GALNTL6: variants seen among roughly 807,000 people sequenced by gnomAD.
The protein encoded by GALNTL6 is polypeptide N-acetylgalactosaminyltransferase like 6, also known as polypeptide N-acetylgalactosaminyltransferase-like 6.
A neutral mutation model predicts 73.7 loss-of-function variants in GALNTL6; 46 were observed. That is an observed-to-expected ratio of 0.62 (90% CI 0.49 to 0.80). GALNTL6 has a LOEUF of 0.80. GALNTL6 is among the 30% of genes least tolerant of loss of function. GALNTL6 has a pLI of 0.00. For missense variants in GALNTL6, 604 were observed against 755.0 expected, an observed-to-expected ratio of 0.80 and a Z score of 2.34; for synonymous variants, 259 against 263.7, an observed-to-expected ratio of 0.98 and a Z score of 0.17.
intron 5 of GALNTL6, among the ~76,000 whole-genome samples, chr4:172,773,139 G>A (rs570460862): frequency 2.8e-4 from 42 of 152,302 alleles, no homozygotes; most frequent in African/African-American, 9.9e-4. Flanking sequence ...TGATGAAAGA[G>A]CAGAAAATGC....
chr4:172,931,242 G>T lies in GALNTL6; in HGVS notation c.1123G>T (p.Val375Phe). Residue 375 changes from valine (V) to phenylalanine (F), a missense_variant, in exon 9 of 13, where the codon GTT becomes TTT. Physicochemically the swap from Val to Phe is conservative, Grantham distance 50. This residue lies in a region of GALNTL6 where 261 missense variants were observed against 296.5 expected (regional missense o/e 0.88). Coordinates refer to ENST00000506823, the MANE Select transcript of GALNTL6 (RefSeq NM_001034845.3). ...CTACAGGAAGTACGTTCCATACAAA[G>T]TTCCATCTGGGACAAGCCTGGCAAG... Reference protein sequence around the residue: ...HIYRKYVPYKVPSGTSLARNL... With the variant: ...HIYRKYVPYKFPSGTSLARNL... The T allele has an allele frequency of 1.9e-6, 3 of 1,607,680 alleles. No individual in the cohort carries two copies. Among genetic ancestry groups the T allele is most frequent in the Non-Finnish European group, 2.6e-6 (3 of 1,174,088 alleles).
chr4:172,512,819 T>G (rs1318923978), intron 5 of GALNTL6, among the ~76,000 whole-genome samples: 1 of 152,230 alleles, frequency 6.6e-6, no homozygotes, highest in Non-Finnish European at 1.5e-5. Context: ...CTGCCGTTAA[T>G]CTGATAGGTT....
chr4:171,822,408 C>T (rs1734709409), intron 2 of GALNTL6, among the ~76,000 whole-genome samples: 2 of 152,140 alleles, frequency 1.3e-5, no homozygotes. Context: ...TGTGGGCATG[C>T]TACTTAACAT....
intron 3 of GALNTL6, among the ~76,000 whole-genome samples, chr4:172,265,395 C>A (rs138649372): frequency 6.6e-6 from 1 of 152,006 alleles, no homozygotes; most frequent in African/African-American, 2.4e-5. Context: ...TTCAAATTTG[C>A]CTGAGAGCCT....
At chr4:172,603,658 C>T (rs1043777582) in intron 5 of GALNTL6, among the ~76,000 whole-genome samples, 2 of 152,094 alleles carry the variant, frequency 1.3e-5, no homozygotes, top group Non-Finnish European at 2.9e-5. Flanking sequence ...ATTTTGTCTT[C>T]CTGTGCACTA....
intron 7 of GALNTL6, among the ~76,000 whole-genome samples, chr4:172,866,129 C>T (rs1202160448): frequency 1.3e-5 from 2 of 152,170 alleles, no homozygotes; most frequent in African/African-American, 4.8e-5. Flanking sequence ...TTAGCCTTCC[C>T]ACCTAGGATA....
At chr4:173,032,581 A>G (rs886223652) in intron 12 of GALNTL6, among the ~76,000 whole-genome samples, 1 of 152,160 alleles carries the variant, frequency 6.6e-6, no homozygotes, top group African/African-American at 2.4e-5. Context: ...CCAGCTACTC[A>G]GGCTGAGAGG....
intron 2 of GALNTL6, among the ~76,000 whole-genome samples, chr4:172,088,102 C>T (rs1019573744): frequency 2.0e-5 from 3 of 151,996 alleles, no homozygotes; most frequent in African/African-American, 7.2e-5. Flanking sequence ...ATCATTCTTC[C>T]AAAAAGTTTA....
intron 5 of GALNTL6, among the ~76,000 whole-genome samples, chr4:172,734,086 A>C (rs1417388233): frequency 2.6e-5 from 4 of 152,184 alleles, no homozygotes; most frequent in Non-Finnish European, 5.9e-5. Flanking sequence ...AACTGGAGTA[A>C]AGGTCACTCT....
chr4:172,528,985 A>ATATATATATATG (rs1735074989), intron 5 of GALNTL6, among the ~76,000 whole-genome samples: 1 of 31,452 alleles, frequency 3.2e-5, no homozygotes, highest in Non-Finnish European at 5.6e-5. Flanking sequence ...ATTTATACAT[A>ATATATATATATG]TGTGTGTATA....
At chr4:171,908,259 T>A (rs1737356496) in intron 2 of GALNTL6, among the ~76,000 whole-genome samples, 1 of 152,002 alleles carries the variant, frequency 6.6e-6, no homozygotes, top group Admixed American at 6.6e-5. Context: ...GACAAAGGGC[T>A]AATATCCAGA....
At chr4:172,766,600 C>G (rs1738420070) in intron 5 of GALNTL6, among the ~76,000 whole-genome samples, 1 of 152,170 alleles carries the variant, frequency 6.6e-6, no homozygotes, top group Non-Finnish European at 1.5e-5. Flanking sequence ...GGAGAACCAT[C>G]ATTAAATAAT....
At chr4:172,729,632 T>C (rs1436209093) in intron 5 of GALNTL6, among the ~76,000 whole-genome samples, 1 of 152,208 alleles carries the variant, frequency 6.6e-6, no homozygotes, top group African/African-American at 2.4e-5. Flanking sequence ...TTTTTATTAC[T>C]ATAGCTTTAG....
intron 5 of GALNTL6, chr4:172,545,869 T>C (rs867793854): frequency 6.6e-6 from 1 of 152,180 alleles, no homozygotes; most frequent in African/African-American, 2.4e-5. Flanking sequence ...GGGCCAACCT[T>C]TTTGGTAACA....
chr4:172,654,328 C>G (rs1730866645), intron 5 of GALNTL6, among the ~76,000 whole-genome samples: 2 of 152,142 alleles, frequency 1.3e-5, no homozygotes, highest in African/African-American at 2.4e-5. Flanking sequence ...TCAACCGAAC[C>G]ATTATTTTCT....
intron 2 of GALNTL6, among the ~76,000 whole-genome samples, chr4:172,138,026 C>T (rs116497177): frequency 0.015 from 2,264 of 152,140 alleles, 28 homozygotes; most frequent in Non-Finnish European, 0.025. Context: ...TGAGCTGCTG[C>T]GGAGTCCTGA....
At chr4:172,574,702 T>TTAGA (rs1325863390) in intron 5 of GALNTL6, among the ~76,000 whole-genome samples, 1 of 151,866 alleles carries the variant, frequency 6.6e-6, no homozygotes, top group Non-Finnish European at 1.5e-5. Context: ...AGTACATAAT[T>TTAGA]TAGATATAAA....
chr4:172,936,822 T>C (rs934954855), intron 9 of GALNTL6, among the ~76,000 whole-genome samples: 1 of 152,098 alleles, frequency 6.6e-6, no homozygotes. Flanking sequence ...TCAAATCTCA[T>C]AAAAGCCAAA....
At chr4:172,946,311 T>C (rs1213424072) in intron 9 of GALNTL6, among the ~76,000 whole-genome samples, 2 of 152,064 alleles carry the variant, frequency 1.3e-5, no homozygotes, top group Non-Finnish European at 2.9e-5. Flanking sequence ...GCCCAAATAA[T>C]ACAAATACAG....
Sources: allele counts gnomAD v4.1 joint callset (sites outside exome capture counted in the v4.1 genomes callset), GRCh38; gene constraint gnomAD v4.1.1; regional missense constraint gnomAD v4.1.1; transcripts MANE v1.5; gene names NCBI Gene and HGNC (gene_info 2026-07-23, HGNC 2026-07-21).